Variants in NECTIN3 observed in about 807,000 individuals in gnomAD.
NECTIN3 encodes the protein nectin-3.
In NECTIN3, 8 loss-of-function variants were observed where a neutral mutation model predicts 49.4. That is an observed-to-expected ratio of 0.16 (90% CI 0.10 to 0.29). The LOEUF (loss-of-function observed/expected upper bound fraction) is 0.29, where lower values mean the gene tolerates loss of function less well. NECTIN3 is among the 10% of genes least tolerant of loss of function. The probability of loss-of-function intolerance (pLI) is 1.00; values close to 1 mark genes in which losing one functional copy is unlikely to be tolerated. For missense variants in NECTIN3, 581 were observed against 654.6 expected (o/e 0.89, Z 1.23); for synonymous variants, 277 against 241.1 (o/e 1.15, Z -1.38).
Position 111,173,978 on chromosome 3 carries a change from A to T in NECTIN3, c.1222-18373A>T, listed in dbSNP as rs1344417589. On this transcript the variant is annotated intron_variant, in intron 7 of 8. Transcript: ENST00000493615. ...ATCATTATCATTATCGTCATCATCC[A>T]GATTAATGTTTCTCAAGTTCTGCTC... Among the ~76,000 whole-genome samples the T allele has an allele frequency of 3.9e-5, 6 of 152,112 alleles. No individual in the cohort carries two copies. In the South Asian group the frequency reaches 1.0e-3, roughly 26 times the overall value.
In NECTIN3 at chr3:111,134,620, C is replaced by G. The variant is rs2034513587; in HGVS notation, c.*405C>G. On this transcript the variant is annotated 3_prime_UTR_variant, in exon 6 of 6. Coordinates refer to ENST00000485303, the MANE Select transcript of NECTIN3 (RefSeq NM_015480.3). ...TGATGTTTGTTTAACATATACCTCT[C>G]AAAATTTATCACCACTCAATGACAC... 2 of 899,972 alleles carry G rather than the reference C, an allele frequency of 2.2e-6. No individual in the cohort carries two copies. The highest frequency in any genetic ancestry group is 1.0e-4 in the South Asian group (2 of 19,494). The allele number at this position is 899,972 out of a possible 1,614,324, so 55.7% of individuals were successfully genotyped here. A position where few individuals can be genotyped will look rare whatever the true frequency, so the allele number is the denominator to read the frequency against.
At chr3:111,153,976 TAAG>T (rs1278715884) in intron 7 of NECTIN3, among the ~76,000 whole-genome samples, 1 of 152,136 alleles carries the variant, frequency 6.6e-6, no homozygotes, top group Non-Finnish European at 1.5e-5. Context: ...CTTCCTTTTT[TAAG>T]AAGAGCTTTA....
chr3:111,113,597 T>C (rs1014111387), intron 2 of NECTIN3, among the ~76,000 whole-genome samples: 1 of 152,220 alleles, frequency 6.6e-6, no homozygotes, highest in African/African-American at 2.4e-5. Flanking sequence ...TGGGGAAATA[T>C]AACTTACATT....
At position 111,170,998 on chromosome 3, in the gene NECTIN3, A is replaced by C. The variant is rs188884932; in HGVS notation, c.1222-21353A>C. On this transcript the variant is annotated intron_variant, in intron 7 of 8. Transcript: ENST00000493615. ...TCTATTCCTTGCTGCCTACCAACCA[A>C]GAGAACATATGTCATTACTAATTAG... Among the ~76,000 whole-genome samples, 6 of 152,346 alleles carry C rather than the reference A, an allele frequency of 3.9e-5. No individual in the cohort carries two copies. In the East Asian group the frequency reaches 9.6e-4, roughly 24 times the overall value.
intron 1 of NECTIN3, 54 bp downstream of exon 1, chr3:111,072,231 G>A: frequency 6.7e-7 from 1 of 1,498,892 alleles, no homozygotes; most frequent in Non-Finnish European, 8.9e-7. Flanking sequence ...CTGAGGGTGC[G>A]GGCGCCGCGG....
At chr3:111,189,748 C>A (rs969621680), upstream of NECTIN3, among the ~76,000 whole-genome samples, 1 of 152,200 alleles carries the variant, frequency 6.6e-6, no homozygotes, top group Non-Finnish European at 1.5e-5. Context: ...TGCTGGGCCC[C>A]ATGTTCAAAA....
intron 7 of NECTIN3, among the ~76,000 whole-genome samples, chr3:111,156,461 T>C (rs2035100739): frequency 6.6e-6 from 1 of 152,190 alleles, no homozygotes; most frequent in Non-Finnish European, 1.5e-5. Flanking sequence ...AAATACTAGA[T>C]TAAATTCAAC....
At chr3:111,090,827 T>TA (rs77949702) in intron 1 of NECTIN3, among the ~76,000 whole-genome samples, 2 of 396 alleles carry the variant, frequency 5.1e-3, no homozygotes, top group Non-Finnish European at 0.01. Context: ...AATAGGTTGG[T>TA]GAAAAGTGAT....
chr3:111,111,899 ATGTGTG>A lies in NECTIN3; in HGVS notation c.161-101_161-96del, dbSNP rs10581136. ...TGTGAGTGCATGTGTGTGTGTGTGC[ATGTGTG>A]TGTGTGTGTGTGTGTGTGTGTGTGT... On this transcript the variant is annotated intron_variant, in intron 1 of 5. Transcript: ENST00000485303. The A allele has an allele frequency of 0.46, 263,905 of 576,634 alleles. 31,280 individuals are homozygous for A. Among genetic ancestry groups the A allele is most frequent in the Non-Finnish European group, 0.51 (162,303 of 320,520 alleles). 35.7% of individuals were successfully genotyped at this position (576,634 alleles called of 1,614,324 possible).
chr3:111,147,235 A>C (rs549022148), intron 6 of NECTIN3, among the ~76,000 whole-genome samples: 1 of 152,108 alleles, frequency 6.6e-6, no homozygotes, highest in Non-Finnish European at 1.5e-5. Flanking sequence ...TTGATCTTTG[A>C]TAGATTAATG....
At chr3:111,158,615 T>G (rs2035146308) in intron 7 of NECTIN3, among the ~76,000 whole-genome samples, 1 of 152,114 alleles carries the variant, frequency 6.6e-6, no homozygotes, top group Non-Finnish European at 1.5e-5. Flanking sequence ...GTTGAATAAT[T>G]TTACTATGGT....
chr3:111,183,999 T>G (rs908474611), intron 7 of NECTIN3, among the ~76,000 whole-genome samples: 3 of 152,184 alleles, frequency 2.0e-5, no homozygotes, highest in Admixed American at 2.0e-4. Context: ...TTTTTTGATA[T>G]TATCTCACAG....
intron 1 of NECTIN3, among the ~76,000 whole-genome samples, chr3:111,109,793 C>T (rs963094175): frequency 5.9e-5 from 9 of 151,866 alleles, no homozygotes; most frequent in Non-Finnish European, 1.3e-4. Flanking sequence ...TATTTCTACC[C>T]TGTTTTTAAA....
At chr3:111,094,117 A>G (rs2032442869) in intron 1 of NECTIN3, among the ~76,000 whole-genome samples, 1 of 151,870 alleles carries the variant, frequency 6.6e-6, no homozygotes, top group African/African-American at 2.4e-5. Context: ...TATAATTTTT[A>G]TTTTATATAT....
Position 111,134,746 on chromosome 3 carries a change from C to A in NECTIN3, c.*531C>A, listed in dbSNP as rs1444334096. 6.4e-6 allele frequency: 6 copies of A among 941,388 alleles called. No individual in the cohort carries two copies. Among genetic ancestry groups the A allele is most frequent in the Non-Finnish European group, 7.6e-6 (6 of 790,334 alleles). The allele number at this position is 941,388 out of a possible 1,614,324, so 58.3% of individuals were successfully genotyped here. ...TGATGGAATGGCTTTCCTTTTCAAACATTATTTTCTAAGTTTCTATACAAA... is the reference window on the plus strand; with the variant it reads ...TGATGGAATGGCTTTCCTTTTCAAAAATTATTTTCTAAGTTTCTATACAAA... On this transcript the variant is annotated 3_prime_UTR_variant, in exon 6 of 6. Transcript: ENST00000485303.
At chr3:111,120,521 A>G (rs916956022) in intron 3 of NECTIN3, among the ~76,000 whole-genome samples, 26 of 152,112 alleles carry the variant, frequency 1.7e-4, no homozygotes, top group African/African-American at 6.3e-4. Flanking sequence ...ATTTTTTAGT[A>G]CCACTTTTAA....
intron 5 of NECTIN3, among the ~76,000 whole-genome samples, chr3:111,132,434 A>G (rs1032093229): frequency 2.6e-5 from 4 of 151,870 alleles, no homozygotes; most frequent in African/African-American, 9.7e-5. Flanking sequence ...TTTTCTAACA[A>G]TCATTTTTTA....
chr3:111,175,461 A>G (rs2035510786), intron 7 of NECTIN3, among the ~76,000 whole-genome samples: 1 of 151,872 alleles, frequency 6.6e-6, no homozygotes, highest in Admixed American at 6.6e-5. Flanking sequence ...TTGTGTTCAA[A>G]TTGCCTCGCT....
intron 6 of NECTIN3, among the ~76,000 whole-genome samples, chr3:111,146,007 T>C (rs1339869582): frequency 6.6e-6 from 1 of 152,196 alleles, no homozygotes; most frequent in Non-Finnish European, 1.5e-5. Flanking sequence ...TTCACCTAAA[T>C]GGCCTATGGC....
Sources: gnomAD v4.1 joint callset for allele counts (sites outside exome capture counted in the v4.1 genomes callset) on GRCh38, gnomAD v4.1.1 for gene constraint, MANE v1.5 for transcripts, NCBI Gene and HGNC (gene_info 2026-07-23, HGNC 2026-07-21) for gene names.